Variants in SHROOM3 observed in about 807,000 individuals in gnomAD.
SHROOM3 encodes the protein shroom family member 3.
In SHROOM3, 47 loss-of-function variants were observed where a neutral mutation model predicts 138.6. The observed-to-expected ratio is 0.34, with a 90% confidence interval of 0.27 to 0.43. The LOEUF is 0.43. Ranked by LOEUF, SHROOM3 falls within the 20% of genes least tolerant of loss-of-function variation. The probability of loss-of-function intolerance (pLI) is 1.00; values close to 1 mark genes in which losing one functional copy is unlikely to be tolerated. For synonymous variants in SHROOM3, 1,062 were observed against 1,063.3 expected (o/e 1.00, Z 0.02); for missense variants, 2,491 against 2,596.5 (o/e 0.96, Z 0.88).
Position 76,781,019 on chromosome 4 carries a change from A to G in SHROOM3, c.*1842A>G, listed in dbSNP as rs1408888428. ...AAACGTCTACAGTTATTCTTAGTGA[A>G]ATTCCTCAGAGGAATCCAGGGGGCT... On this transcript the variant is annotated 3_prime_UTR_variant, in exon 11 of 11. Coordinates refer to ENST00000296043, the MANE Select transcript of SHROOM3 (RefSeq NM_020859.4). 1 of 152,174 alleles carries G rather than the reference A, an allele frequency of 6.6e-6. No homozygotes were observed. Among genetic ancestry groups the G allele is most frequent in the Non-Finnish European group, 1.5e-5 (1 of 68,036 alleles). The allele number at this position is 152,174 out of a possible 1,614,324, so 9.4% of individuals were successfully genotyped here.
At chr4:76,769,401 A>C (rs1210427597) in intron 9 of SHROOM3, among the ~76,000 whole-genome samples, 1 of 152,204 alleles carries the variant, frequency 6.6e-6, no homozygotes, top group Non-Finnish European at 1.5e-5. Context: ...ATTTTAGGCT[A>C]AGAGAAAAAT....
intron 2 of SHROOM3, among the ~76,000 whole-genome samples, chr4:76,693,662 G>A (rs1241157898): frequency 6.6e-6 from 1 of 152,024 alleles, no homozygotes; most frequent in Non-Finnish European, 1.5e-5. Flanking sequence ...TGGGATTACA[G>A]GTGTGAGCCA....
At chr4:76,688,722 GA>G in intron 2 of SHROOM3, 1 of 985,314 alleles carries the variant, frequency 1.0e-6, no homozygotes, top group African/African-American at 1.7e-5. Context: ...AATGCAAATG[GA>G]TATATTTTCT....
At chr4:76,533,882 G>C (rs1579218716) in intron 1 of SHROOM3, among the ~76,000 whole-genome samples, 1 of 152,334 alleles carries the variant, frequency 6.6e-6, no homozygotes, top group East Asian at 1.9e-4. Context: ...CGTGTCTCGA[G>C]TAGTGTCTGA....
intron 1 of SHROOM3, among the ~76,000 whole-genome samples, chr4:76,546,395 A>C (rs879866315): frequency 6.6e-6 from 1 of 152,234 alleles, no homozygotes; most frequent in Non-Finnish European, 1.5e-5. Flanking sequence ...TGTGGCACTC[A>C]TTGCAACCCA....
At chr4:76,534,683 C>T (rs1038651992) in intron 1 of SHROOM3, among the ~76,000 whole-genome samples, 1 of 152,108 alleles carries the variant, frequency 6.6e-6, no homozygotes, top group Non-Finnish European at 1.5e-5. Flanking sequence ...ATCCTTAGCC[C>T]ACAGTTTCTC....
chr4:76,764,123 G>A (rs1014974540), intron 9 of SHROOM3, among the ~76,000 whole-genome samples: 5 of 152,226 alleles, frequency 3.3e-5, no homozygotes, highest in African/African-American at 1.2e-4. Flanking sequence ...TAACACTTTA[G>A]TTTCACTTTG....
chr4:76,580,948 A>G (rs1734040771), intron 2 of SHROOM3, among the ~76,000 whole-genome samples: 1 of 151,920 alleles, frequency 6.6e-6, no homozygotes, highest in Non-Finnish European at 1.5e-5. Context: ...TTTTTTTATT[A>G]TACTTTAAGT....
intron 1 of SHROOM3, among the ~76,000 whole-genome samples, chr4:76,484,359 G>A (rs939006389): frequency 1.3e-5 from 2 of 151,884 alleles, no homozygotes; most frequent in Admixed American, 1.3e-4. Flanking sequence ...ATTGCTTGAG[G>A]CCAGGAGTTT....
chr4:76,471,925 T>C (rs7438266), intron 1 of SHROOM3, among the ~76,000 whole-genome samples: 1 of 152,162 alleles, frequency 6.6e-6, no homozygotes, highest in African/African-American at 2.4e-5. Flanking sequence ...GACTACCTGG[T>C]TTTACATCCT....
chr4:76,766,289 C>T (rs985733872), intron 9 of SHROOM3, among the ~76,000 whole-genome samples: 3 of 152,222 alleles, frequency 2.0e-5, no homozygotes, highest in Non-Finnish European at 4.4e-5. Context: ...TTATTTTCTT[C>T]TCGCTGTGGA....
chr4:76,456,358 C>G (rs1021597697), intron 1 of SHROOM3, among the ~76,000 whole-genome samples: 3 of 152,164 alleles, frequency 2.0e-5, no homozygotes, highest in African/African-American at 7.2e-5. Flanking sequence ...ATACAATGCA[C>G]GCACATCACT....
At chr4:76,767,399 C>G (rs770872975) in intron 9 of SHROOM3, among the ~76,000 whole-genome samples, 40 of 152,356 alleles carry the variant, frequency 2.6e-4, no homozygotes, top group Non-Finnish European at 5.4e-4. Context: ...CAGCCTCTGG[C>G]TGGGCGCGGT....
intron 1 of SHROOM3, among the ~76,000 whole-genome samples, chr4:76,545,344 C>T (rs1457432078): frequency 6.6e-6 from 1 of 152,154 alleles, no homozygotes; most frequent in East Asian, 1.9e-4. Flanking sequence ...GTGGTCAGCT[C>T]CTTCCTCCCA....
intron 5 of SHROOM3, among the ~76,000 whole-genome samples, chr4:76,747,043 C>T (rs1236619132): frequency 2.6e-5 from 4 of 152,020 alleles, no homozygotes; most frequent in African/African-American, 9.7e-5. Context: ...TGATCTCGAT[C>T]TCCTGACCTC....
Position 76,536,469 on chromosome 4 carries a change from A to G in SHROOM3, c.169-19140A>G, listed in dbSNP as rs1470153212. ...ATTCATTCCCAGCGAAATCTTAACT[A>G]AATAGGAGGCTGGAAATCTGTGACG... On this transcript the variant is annotated intron_variant, in intron 1 of 10. Transcript: ENST00000296043. Among the ~76,000 whole-genome samples the G allele has an allele frequency of 5.3e-5, 8 of 152,206 alleles. No homozygotes were observed. The South Asian group carries it at 1.5e-3, about 28-fold the overall frequency.
At chr4:76,568,531 C>T (rs939984656) in intron 2 of SHROOM3, among the ~76,000 whole-genome samples, 4 of 152,140 alleles carry the variant, frequency 2.6e-5, no homozygotes, top group South Asian at 2.1e-4. Context: ...GGATCATATT[C>T]GAAGTTTGTT....
chr4:76,669,758 T>C (rs999988858), intron 2 of SHROOM3, among the ~76,000 whole-genome samples: 5 of 152,228 alleles, frequency 3.3e-5, no homozygotes, highest in African/African-American at 1.2e-4. Flanking sequence ...CAGATTTATA[T>C]AGAGGTGAGA....
intron 2 of SHROOM3, among the ~76,000 whole-genome samples, chr4:76,705,942 C>T (rs549409651): frequency 4.6e-5 from 7 of 152,230 alleles, no homozygotes; most frequent in African/African-American, 1.7e-4. Context: ...GGATGCTAAC[C>T]CCCTAGAGTC....
Sources: allele counts gnomAD v4.1 joint callset (sites outside exome capture counted in the v4.1 genomes callset), GRCh38; gene constraint gnomAD v4.1.1; transcripts MANE v1.5; gene names NCBI Gene and HGNC (gene_info 2026-07-23, HGNC 2026-07-21).